The following PRELID2 variants were observed in gnomAD, a reference collection of about 807,000 sequenced individuals.
PRELID2 encodes the protein PRELI domain containing 2.
Under a neutral mutation model 28.4 loss-of-function variants are expected in PRELID2, and 25 were observed. The ratio of observed to expected loss-of-function variants is 0.88; its 90% confidence interval spans 0.64 to 1.23. PRELID2 has a LOEUF of 1.23. Ranked by LOEUF, PRELID2 falls within the 50% of genes most tolerant of loss-of-function variation. The pLI is 0.00. For synonymous variants in PRELID2, 76 were observed against 71.6 expected, an observed-to-expected ratio of 1.06 and a Z score of -0.31; for missense variants, 201 against 214.4, an observed-to-expected ratio of 0.94 and a Z score of 0.39.
chr5:145,651,807 A>G (rs1001305386), intron 1 of PRELID2, among the ~76,000 whole-genome samples: 1 of 152,224 alleles, frequency 6.6e-6, no homozygotes, highest in African/African-American at 2.4e-5. Context: ...ATGGGGAAAA[A>G]ACAGAGCAGA....
Position 145,666,940 on chromosome 5 carries a change from TA to T in PRELID2, n.70+97990del, listed in dbSNP as rs559870079. 2.2e-3 allele frequency among the ~76,000 whole-genome samples: 330 copies of T among 152,242 alleles called. 2 individuals carry two copies. Among genetic ancestry groups the T allele is most frequent in the African/African-American group, 7.4e-3 (308 of 41,570 alleles). ...TGGCTTATACGTGACCAATTTAAGATATTTAAAACCTCTTATTGTAGTGACA... is the reference window on the plus strand; with the variant it reads ...TGGCTTATACGTGACCAATTTAAGATTTTAAAACCTCTTATTGTAGTGACA... On this transcript the variant is annotated intron_variant and non_coding_transcript_variant, in intron 1 of 2. Coordinates refer to the PRELID2 transcript ENST00000510259.
intron 1 of PRELID2, among the ~76,000 whole-genome samples, chr5:145,484,289 T>C (rs868079723): frequency 2.6e-5 from 4 of 152,166 alleles, no homozygotes; most frequent in African/African-American, 7.2e-5. Flanking sequence ...AAGCATCCCA[T>C]GGGGTAAGAA....
At chr5:145,582,316 G>A (rs116140541) in intron 1 of PRELID2, among the ~76,000 whole-genome samples, 2,507 of 152,110 alleles carry the variant, frequency 0.016, 79 homozygotes, top group African/African-American at 0.057. Context: ...CATGGCAGAC[G>A]GTAAAGGAAA....
the PRELID2 span, among the ~76,000 whole-genome samples, chr5:145,354,406 A>G: frequency 6.6e-6 from 1 of 152,318 alleles, no homozygotes; most frequent in African/African-American, 2.4e-5. Flanking sequence ...TGAGGTAACA[A>G]CACTCAGGAT....
chr5:145,478,404 G>A (rs767362628), intron 1 of PRELID2, among the ~76,000 whole-genome samples: 24 of 151,860 alleles, frequency 1.6e-4, no homozygotes, highest in Non-Finnish European at 2.4e-4. Flanking sequence ...AAGATTAGCC[G>A]GGCATGGTGG....
intron 1 of PRELID2, among the ~76,000 whole-genome samples, chr5:145,730,927 A>G (rs559513067): frequency 6.6e-6 from 1 of 152,122 alleles, no homozygotes; most frequent in South Asian, 2.1e-4. Flanking sequence ...AGACATTCCA[A>G]CCCCACCATA....
At chr5:145,721,212 G>A (rs1042285335) in intron 1 of PRELID2, among the ~76,000 whole-genome samples, 8 of 151,998 alleles carry the variant, frequency 5.3e-5, no homozygotes, top group African/African-American at 1.9e-4. Context: ...ACTTTCACAC[G>A]CATTCATGAG....
rs557062376 is a variant in PRELID2, at chr5:145,486,649, A to T, written n.71-13334T>A. ...GTGCTGTCAGTAAGTATTCCATAAAATTAAGGAAATAAGGGATTGAAAAGC... is the reference window on the plus strand; with the variant it reads ...GTGCTGTCAGTAAGTATTCCATAAATTTAAGGAAATAAGGGATTGAAAAGC... On this transcript the variant is annotated intron_variant and non_coding_transcript_variant, in intron 1 of 2. Coordinates refer to the PRELID2 transcript ENST00000510259. Among the ~76,000 whole-genome samples the T allele has an allele frequency of 1.1e-3, 161 of 152,324 alleles. 2 individuals are homozygous for T. The highest frequency in any genetic ancestry group is 3.8e-3 in the African/African-American group (156 of 41,572).
chr5:145,750,899 C>T (rs1255623942), intron 1 of PRELID2, among the ~76,000 whole-genome samples: 1 of 152,198 alleles, frequency 6.6e-6, no homozygotes, highest in East Asian at 1.9e-4. Flanking sequence ...TTTACCCCTT[C>T]AAGACTAATT....
intron 2 of PRELID2, among the ~76,000 whole-genome samples, chr5:145,472,961 G>A (rs1324942524): frequency 6.6e-6 from 1 of 151,998 alleles, no homozygotes; most frequent in Non-Finnish European, 1.5e-5. Flanking sequence ...AGGAACCTAG[G>A]ATAACACATA....
At chr5:145,740,843 T>C (rs1561566830) in intron 1 of PRELID2, among the ~76,000 whole-genome samples, 3 of 111,076 alleles carry the variant, frequency 2.7e-5, no homozygotes, top group African/African-American at 1.0e-4. Context: ...TATTTATCGA[T>C]AAATATATAT....
chr5:145,500,141 A>G (rs1004204172), intron 1 of PRELID2, among the ~76,000 whole-genome samples: 1 of 152,170 alleles, frequency 6.6e-6, no homozygotes, highest in African/African-American at 2.4e-5. Flanking sequence ...CTGTGTCCCC[A>G]CCAAAATCTC....
chr5:145,690,979 T>C (rs1354460595), intron 1 of PRELID2, among the ~76,000 whole-genome samples: 1 of 152,150 alleles, frequency 6.6e-6, no homozygotes, highest in Non-Finnish European at 1.5e-5. Flanking sequence ...AAAAAAACTT[T>C]AAAAATTATA....
At chr5:145,712,778 A>G (rs1755729605) in intron 1 of PRELID2, among the ~76,000 whole-genome samples, 1 of 152,178 alleles carries the variant, frequency 6.6e-6, no homozygotes, top group East Asian at 1.9e-4. Context: ...AATATATCAA[A>G]GGATCTAGTG....
the PRELID2 span, among the ~76,000 whole-genome samples, chr5:145,464,952 A>G: frequency 6.6e-6 from 1 of 152,166 alleles, no homozygotes; most frequent in Non-Finnish European, 1.5e-5. Flanking sequence ...AAGTCCCTCA[A>G]AAATGTAAAA....
the PRELID2 span, among the ~76,000 whole-genome samples, chr5:145,398,244 TC>T: frequency 6.6e-6 from 1 of 152,084 alleles, no homozygotes; most frequent in African/African-American, 2.4e-5. Flanking sequence ...AGATTTCATG[TC>T]CCCTGGGGCA....
chr5:145,409,805 C>T, the PRELID2 span, among the ~76,000 whole-genome samples: 6 of 150,220 alleles, frequency 4.0e-5, no homozygotes, highest in Non-Finnish European at 5.9e-5. Context: ...AAAGATTCAT[C>T]CAACAGGAAA....
the PRELID2 span, among the ~76,000 whole-genome samples, chr5:145,331,171 A>C: frequency 6.6e-6 from 1 of 151,864 alleles, no homozygotes; most frequent in Non-Finnish European, 1.5e-5. Flanking sequence ...TTTTGCATTC[A>C]CTGAGGAGTG....
intron 1 of PRELID2, among the ~76,000 whole-genome samples, chr5:145,680,974 G>A (rs58759146): frequency 0.029 from 4,478 of 152,268 alleles, 208 homozygotes; most frequent in African/African-American, 0.098. Flanking sequence ...CTGGGAAGGC[G>A]CTGTGACTTT....
Sources: allele counts gnomAD v4.1 joint callset (sites outside exome capture counted in the v4.1 genomes callset), GRCh38; gene constraint gnomAD v4.1.1; transcripts MANE v1.5; gene names NCBI Gene and HGNC (gene_info 2026-07-23, HGNC 2026-07-21).